SMOC1: variants seen among roughly 807,000 people sequenced by gnomAD.
SMOC1 encodes the protein SPARC related modular calcium binding 1, also known as SPARC-related modular calcium-binding protein 1.
SMOC1 carries 22 observed loss-of-function variants against 56.3 expected under a neutral mutation model. That is an observed-to-expected ratio of 0.39 (90% CI 0.28 to 0.56). SMOC1 has a LOEUF of 0.56. Among genes scored for constraint, SMOC1 ranks in the 20% least tolerant of loss-of-function variants. The probability of loss-of-function intolerance (pLI) is 0.61; values close to 1 mark genes in which losing one functional copy is unlikely to be tolerated. For missense variants in SMOC1, 509 were observed against 565.4 expected, an observed-to-expected ratio of 0.90 and a Z score of 1.01; for synonymous variants, 193 against 215.0, an observed-to-expected ratio of 0.90 and a Z score of 0.89.
chr14:69,922,021 T>C (rs1362515975), intron 1 of SMOC1, among the ~76,000 whole-genome samples: 1 of 152,194 alleles, frequency 6.6e-6, no homozygotes, highest in African/African-American at 2.4e-5. Flanking sequence ...CAGCCATCTG[T>C]TGAGAATCAG....
chr14:70,027,118 G>GCC (rs1885955844), intron 11 of SMOC1, among the ~76,000 whole-genome samples: 1 of 152,168 alleles, frequency 6.6e-6, no homozygotes, highest in South Asian at 2.1e-4. Flanking sequence ...ACACTGCTCT[G>GCC]GACCCAAGCA....
At chr14:69,962,543 T>C (rs909183896) in intron 3 of SMOC1, among the ~76,000 whole-genome samples, 2 of 152,090 alleles carry the variant, frequency 1.3e-5, no homozygotes, top group African/African-American at 4.8e-5. Flanking sequence ...ATAATTTCCT[T>C]TGAAGCACAA....
chr14:69,980,142 T>C (rs564143571), intron 5 of SMOC1, among the ~76,000 whole-genome samples: 2 of 152,216 alleles, frequency 1.3e-5, no homozygotes, highest in Non-Finnish European at 2.9e-5. Flanking sequence ...AGTCAAGCAG[T>C]GAGTACCATT....
chr14:69,885,875 C>T lies in SMOC1; in HGVS notation c.99+6098C>T, dbSNP rs552312561. 60 of 1,599,498 alleles carry T rather than the reference C, an allele frequency of 3.8e-5. No homozygotes were observed. In the East Asian group the frequency reaches 6.3e-4, roughly 17 times the overall value. ...CTTAAGCAGCTGAGTAGCTGTTTGG[C>T]GGTCCAGGGCCTGGGTGAACTGGTT... is the stretch of plus-strand genomic sequence containing the variant. On this transcript the variant is annotated intron_variant, in intron 1 of 11. Transcript: ENST00000361956.
At chr14:69,999,930 G>A (rs1884905963) in intron 7 of SMOC1, among the ~76,000 whole-genome samples, 1 of 152,132 alleles carries the variant, frequency 6.6e-6, no homozygotes, top group African/African-American at 2.4e-5. Flanking sequence ...TGCTGCACCA[G>A]CAAGGGTTCT....
intron 1 of SMOC1, among the ~76,000 whole-genome samples, chr14:69,909,736 G>A (rs191866764): frequency 1.1e-4 from 17 of 152,288 alleles, no homozygotes; most frequent in African/African-American, 3.9e-4. Flanking sequence ...TACCCTAGGA[G>A]GTAGAAGCAA....
intron 1 of SMOC1, among the ~76,000 whole-genome samples, chr14:69,928,616 G>T (rs1034363657): frequency 7.8e-4 from 8 of 10,230 alleles, no homozygotes; most frequent in African/African-American, 1.4e-3. Flanking sequence ...GGTGCTCATT[G>T]GGGGGGGGGT....
chr14:69,984,023 A>G (rs2139521703), intron 5 of SMOC1, among the ~76,000 whole-genome samples: 1 of 152,362 alleles, frequency 6.6e-6, no homozygotes, highest in East Asian at 1.9e-4. Context: ...TAGCTGAAAC[A>G]ATTTTGAAAA....
intron 7 of SMOC1, among the ~76,000 whole-genome samples, chr14:70,010,099 A>G (rs546609619): frequency 6.6e-6 from 1 of 152,344 alleles, no homozygotes; most frequent in African/African-American, 2.4e-5. Context: ...TGCTGAGTGC[A>G]GACACCATCC....
chr14:70,026,361 A>G (rs1256956557), intron 11 of SMOC1, among the ~76,000 whole-genome samples: 2 of 152,172 alleles, frequency 1.3e-5, no homozygotes, highest in African/African-American at 4.8e-5. Context: ...AAGCCAAGCA[A>G]TGGCTGAGTG....
intron 1 of SMOC1, among the ~76,000 whole-genome samples, chr14:69,903,612 G>A (rs150347251): frequency 3.3e-5 from 5 of 152,208 alleles, no homozygotes. Context: ...CCCCCAACCC[G>A]GTGCTCTCTG....
intron 1 of SMOC1, among the ~76,000 whole-genome samples, chr14:69,905,858 G>A (rs781763426): frequency 2.2e-4 from 33 of 152,188 alleles, no homozygotes; most frequent in Admixed American, 1.8e-3. Context: ...GACTTGATGA[G>A]GGGCCAAGAA....
rs557097823 is a variant in SMOC1 at position 69,903,773 on chromosome 14, C to T, written c.99+23996C>T. ...CAGGGACACAAACACTGCGGAAGGCCCCAGGGTCCTCTGCCTAGGAAAACC... is the reference window on the plus strand; with the variant it reads ...CAGGGACACAAACACTGCGGAAGGCTCCAGGGTCCTCTGCCTAGGAAAACC... On this transcript the variant is annotated intron_variant, in intron 1 of 11. Coordinates refer to ENST00000361956, the MANE Select transcript of SMOC1 (RefSeq NM_001034852.3). Among the ~76,000 whole-genome samples, 9 of 152,072 alleles carry T rather than the reference C, an allele frequency of 5.9e-5. No homozygotes were observed. The East Asian group carries it at 9.6e-4, about 16-fold the overall frequency.
At chr14:69,925,939 G>A (rs756395050) in intron 1 of SMOC1, among the ~76,000 whole-genome samples, 5 of 152,160 alleles carry the variant, frequency 3.3e-5, no homozygotes, top group Admixed American at 6.5e-5. Context: ...ACACCCTGGA[G>A]AGGAGTCTTA....
At chr14:69,928,186 A>G (rs1276116) in intron 1 of SMOC1, among the ~76,000 whole-genome samples, 99,284 of 152,130 alleles carry the variant, frequency 0.65, 32,783 homozygotes, top group Non-Finnish European at 0.67. Flanking sequence ...CAGATGGCTG[A>G]TGCTGGTCAC....
intron 1 of SMOC1, among the ~76,000 whole-genome samples, chr14:69,919,922 C>T (rs1417603173): frequency 2.3e-5 from 3 of 128,698 alleles, no homozygotes; most frequent in South Asian, 2.9e-4. Context: ...CCCCCCCCCC[C>T]TTTCTCCCCT....
intron 3 of SMOC1, among the ~76,000 whole-genome samples, chr14:69,962,978 T>G (rs1354971737): frequency 6.6e-6 from 1 of 152,218 alleles, no homozygotes; most frequent in East Asian, 1.9e-4. Flanking sequence ...CAGGACTACT[T>G]GTTGAAAAGA....
Position 69,892,433 on chromosome 14 carries a change from G to C in SMOC1, c.99+12656G>C, listed in dbSNP as rs370368085. Among the ~76,000 whole-genome samples the C allele has an allele frequency of 2.6e-5, 4 of 152,352 alleles. No individual in the cohort carries two copies. The South Asian group carries it at 6.2e-4, about 24-fold the overall frequency. On this transcript the variant is annotated intron_variant, in intron 1 of 11. Transcript: ENST00000361956. ...GTAATTGGGGAAATTTATTTAAAAC[G>C]TGTTGGTAAGCAAGCTGTATCGGAA...
chr14:69,941,626 A>T (rs1294509155), intron 1 of SMOC1, among the ~76,000 whole-genome samples: 1 of 152,076 alleles, frequency 6.6e-6, no homozygotes, highest in Non-Finnish European at 1.5e-5. Context: ...TACTTCCTTC[A>T]TTGGCTTTCA....
Sources: allele counts gnomAD v4.1 joint callset (sites outside exome capture counted in the v4.1 genomes callset), GRCh38; gene constraint gnomAD v4.1.1; transcripts MANE v1.5; gene names NCBI Gene and HGNC (gene_info 2026-07-23, HGNC 2026-07-21).